The following DPYD variants were observed in gnomAD, a reference collection of about 807,000 sequenced individuals.
The protein encoded by DPYD is dihydropyrimidine dehydrogenase [NADP(+)].
DPYD carries 109 observed loss-of-function variants against 116.2 expected under a neutral mutation model. That is an observed-to-expected ratio of 0.94 (90% CI 0.80 to 1.10). The LOEUF (loss-of-function observed/expected upper bound fraction) is 1.10. DPYD is among the 50% of genes least tolerant of loss of function. The pLI is 0.00. For missense variants in DPYD, 1,302 were observed against 1,254.5 expected, an observed-to-expected ratio of 1.04 and a Z score of -0.57; for synonymous variants, 440 against 432.0, an observed-to-expected ratio of 1.02 and a Z score of -0.23.
At chr1:97,442,061 T>C (rs1675826948) in intron 14 of DPYD, among the ~76,000 whole-genome samples, 1 of 152,130 alleles carries the variant, frequency 6.6e-6, no homozygotes, top group African/African-American at 2.4e-5. Context: ...TCCTCCTTTT[T>C]TCCAGTCTCT....
At chr1:97,720,948 A>C (rs773911063) in intron 5 of DPYD, 1 of 1,604,504 alleles carries the variant, frequency 6.2e-7, no homozygotes, top group South Asian at 1.1e-5. Context: ...ACAGAAAAAA[A>C]AGTGCTCTCA....
At chr1:97,740,327 C>T in intron 4 of DPYD, 65 bp downstream of exon 4, 1 of 1,351,312 alleles carries the variant, frequency 7.4e-7, no homozygotes, top group South Asian at 1.2e-5. Context: ...ATTCTGTACC[C>T]ACAGATAATA....
At chr1:97,124,211 C>G (rs1010163889) in intron 20 of DPYD, among the ~76,000 whole-genome samples, 1 of 151,954 alleles carries the variant, frequency 6.6e-6, no homozygotes, top group African/African-American at 2.4e-5. Flanking sequence ...CAAATGCCCT[C>G]CACCCCCGCC....
In DPYD at chr1:97,831,916, A is replaced by G. The variant is rs185319779; in HGVS notation, c.151-3720T>C. ...GAAGGTCACAAAGGTACTAAATTTA[A>G]TGCCGACCAGACATGCCATGTAATA... On this transcript the variant is annotated intron_variant, in intron 2 of 22. Coordinates refer to ENST00000370192, the MANE Select transcript of DPYD (RefSeq NM_000110.4). Among the ~76,000 whole-genome samples the G allele has an allele frequency of 1.3e-3, 196 of 152,224 alleles. 1 individual carries two copies. The highest frequency in any genetic ancestry group is 2.0e-3 in the Non-Finnish European group (139 of 68,018).
intron 19 of DPYD, among the ~76,000 whole-genome samples, chr1:97,211,050 T>C (rs1444400703): frequency 6.6e-6 from 1 of 152,178 alleles, no homozygotes; most frequent in East Asian, 1.9e-4. Flanking sequence ...AAGATGATTA[T>C]TTAAAAATAT....
At chr1:97,153,956 G>C (rs1655225255) in intron 20 of DPYD, among the ~76,000 whole-genome samples, 1 of 142,168 alleles carries the variant, frequency 7.0e-6, no homozygotes. Context: ...CCTCACTCCT[G>C]CAAGAATGGC....
At chr1:97,252,501 A>T (rs143497244) in intron 18 of DPYD, among the ~76,000 whole-genome samples, 1 of 152,300 alleles carries the variant, frequency 6.6e-6, no homozygotes, top group Non-Finnish European at 1.5e-5. Flanking sequence ...CAAATGCTTA[A>T]ATTGTGTATA....
intron 2 of DPYD, among the ~76,000 whole-genome samples, chr1:97,852,846 C>A (rs935481990): frequency 1.3e-5 from 2 of 152,104 alleles, no homozygotes; most frequent in African/African-American, 2.4e-5. Context: ...TACACATTTT[C>A]CTCATTATAA....
At chr1:97,184,562 C>A (rs776776718) in intron 20 of DPYD, among the ~76,000 whole-genome samples, 1 of 152,006 alleles carries the variant, frequency 6.6e-6, no homozygotes, top group Admixed American at 6.6e-5. Flanking sequence ...CATGTATCCA[C>A]GTCGCTGTGA....
At chr1:97,412,049 T>C (rs1031135985) in intron 14 of DPYD, among the ~76,000 whole-genome samples, 2 of 152,230 alleles carry the variant, frequency 1.3e-5, no homozygotes, top group East Asian at 1.9e-4. Flanking sequence ...GCAAAGGGTA[T>C]ACACCTCATT....
intron 15 of DPYD, among the ~76,000 whole-genome samples, chr1:97,375,374 C>T (rs1479999273): frequency 1.3e-5 from 2 of 152,176 alleles, no homozygotes; most frequent in African/African-American, 4.8e-5. Context: ...TTTAAGAACT[C>T]CAGCTAGTCA....
At chr1:97,665,825 C>A (rs1049760931) in intron 8 of DPYD, among the ~76,000 whole-genome samples, 7 of 152,094 alleles carry the variant, frequency 4.6e-5, no homozygotes, top group African/African-American at 1.7e-4. Flanking sequence ...AAAATAATTC[C>A]ACTGTACTGC....
intron 18 of DPYD, among the ~76,000 whole-genome samples, chr1:97,303,647 A>C (rs1050539458): frequency 2.6e-5 from 4 of 152,068 alleles, no homozygotes; most frequent in Non-Finnish European, 5.9e-5. Flanking sequence ...GAGGAAAACT[A>C]TATTAATTCT....
At position 97,277,349 on chromosome 1, in the gene DPYD, T is replaced by C. The variant is rs139061528; in HGVS notation, c.2299+27910A>G. 4.0e-3 allele frequency among the ~76,000 whole-genome samples: 606 copies of C among 151,688 alleles called. 10 individuals carry two copies. Among genetic ancestry groups the C allele is most frequent in the African/African-American group, 0.014 (583 of 41,384 alleles). ...TGTAACAGACCTGCACGTGTACCCT[T>C]GAATCTAAAATGAGAGTTGAAATTA... On this transcript the variant is annotated intron_variant, in intron 18 of 22. Transcript: ENST00000370192.
intron 16 of DPYD, among the ~76,000 whole-genome samples, chr1:97,370,617 G>A (rs1200345256): frequency 6.6e-6 from 1 of 152,044 alleles, no homozygotes; most frequent in Non-Finnish European, 1.5e-5. Context: ...ATATGCACTT[G>A]TTTATTTCTT....
intron 13 of DPYD, among the ~76,000 whole-genome samples, chr1:97,482,729 G>C (rs924916386): frequency 1.2e-4 from 19 of 152,136 alleles, no homozygotes; most frequent in African/African-American, 4.6e-4. Context: ...GAATAGGCCA[G>C]TTACTTTTGT....
chr1:97,127,422 A>G (rs1416732373), intron 20 of DPYD, among the ~76,000 whole-genome samples: 7 of 152,146 alleles, frequency 4.6e-5, no homozygotes, highest in Non-Finnish European at 1.0e-4. Context: ...TACATCTCTC[A>G]TTGGCTGACT....
intron 11 of DPYD, among the ~76,000 whole-genome samples, chr1:97,569,155 T>C (rs1159551949): frequency 1.3e-5 from 2 of 151,826 alleles, no homozygotes; most frequent in Non-Finnish European, 2.9e-5. Context: ...AATGAAGCAG[T>C]GAGATTAGTG....
intron 14 of DPYD, among the ~76,000 whole-genome samples, chr1:97,440,636 T>C (rs747995756): frequency 6.6e-6 from 1 of 152,210 alleles, no homozygotes; most frequent in Non-Finnish European, 1.5e-5. Context: ...TATACTTCCA[T>C]CTCTTTCCTC....
Sources: gnomAD v4.1 joint callset for allele counts (sites outside exome capture counted in the v4.1 genomes callset) on GRCh38, gnomAD v4.1.1 for gene constraint, MANE v1.5 for transcripts, NCBI Gene and HGNC (gene_info 2026-07-23, HGNC 2026-07-21) for gene names.